FRAS1: variants seen among roughly 807,000 people sequenced by gnomAD.
FRAS1 encodes Fraser extracellular matrix complex subunit 1, also known as extracellular matrix organizing protein FRAS1.
A neutral mutation model predicts 435.2 loss-of-function variants in FRAS1; 290 were observed. The observed-to-expected ratio is 0.67, with a 90% confidence interval of 0.61 to 0.73. The LOEUF (loss-of-function observed/expected upper bound fraction) is 0.73. FRAS1 is among the 30% of genes least tolerant of loss of function. The pLI, the probability that FRAS1 is intolerant of heterozygous loss-of-function variation, is 0.00. For synonymous variants in FRAS1, 1,800 were observed against 1,851.0 expected, an observed-to-expected ratio of 0.97 and a Z score of 0.71; for missense variants, 4,860 against 5,001.5, an observed-to-expected ratio of 0.97 and a Z score of 0.85.
At chr4:78,401,757 C>A in intron 30 of FRAS1, among the ~76,000 whole-genome samples, 1 of 146,870 alleles carries the variant, frequency 6.8e-6, no homozygotes, top group East Asian at 2.0e-4. Context: ...AAATTCAGAA[C>A]TTTAGGCCTA....
intron 40 of FRAS1, among the ~76,000 whole-genome samples, chr4:78,440,046 C>T (rs56149575): frequency 0.34 from 41,790 of 123,024 alleles, 7,407 homozygotes; most frequent in Admixed American, 0.46. Flanking sequence ...TTTTTTGAGA[C>T]GGAGTCTCGC....
At chr4:78,428,947 A>G in intron 35 of FRAS1, 148 bp from the exon 36 acceptor site, 1 of 597,108 alleles carries the variant, frequency 1.7e-6, no homozygotes, top group Non-Finnish European at 2.8e-6. Flanking sequence ...ATCTCTTCAA[A>G]GGTTAAAGTA....
intron 20 of FRAS1, among the ~76,000 whole-genome samples, chr4:78,344,501 CTGGAATGTGATTCCAGAGTA>C (rs767109035): frequency 2.8e-4 from 26 of 91,286 alleles, no homozygotes; most frequent in South Asian, 1.1e-3. Context: ...ATTCCAGAGT[CTGGAATGTGATTCCAGAGTA>C]CTCAACCATT....
chr4:78,088,782 G>A (rs1482260988), intron 2 of FRAS1, among the ~76,000 whole-genome samples: 1 of 152,168 alleles, frequency 6.6e-6, no homozygotes, highest in East Asian at 1.9e-4. Context: ...GGAAACCACA[G>A]GTGCTGGAGA....
intron 61 of FRAS1, among the ~76,000 whole-genome samples, chr4:78,503,235 G>A (rs1720733776): frequency 6.6e-6 from 1 of 152,212 alleles, no homozygotes. Flanking sequence ...TTCATAAAAT[G>A]AGTTAGGGAG....
Position 78,466,256 on chromosome 4 carries a change from A to G in FRAS1, c.7078A>G (p.Ile2360Val), listed in dbSNP as rs745883982. The G allele has an allele frequency of 3.1e-6, 5 of 1,613,910 alleles. No homozygotes were observed. In the Admixed American group the frequency reaches 8.3e-5, roughly 27 times the overall value. Reference sequence around the variant, plus strand: ...CGTGCAGCCTCCACGCCATGGCACCATCGAGCGAACCAGCAATGGGCAGCA... The same window carrying G: ...CGTGCAGCCTCCACGCCATGGCACCGTCGAGCGAACCAGCAATGGGCAGCA... The part of the protein sequence containing the change: ...TIVQPPRHGT[I>V]ERTSNGQHFH... The change falls in exon 50 of 74, where the codon ATC becomes GTC. Residue 2360 changes from isoleucine (I) to valine (V), a missense_variant. By Grantham distance (29) the Ile-to-Val change is conservative (BLOSUM62 3). Coordinates refer to ENST00000512123, the MANE Select transcript of FRAS1 (RefSeq NM_025074.7).
chr4:78,254,015 T>A (rs1382356319), intron 5 of FRAS1, among the ~76,000 whole-genome samples: 1 of 152,204 alleles, frequency 6.6e-6, no homozygotes, highest in East Asian at 1.9e-4. Context: ...ATTTATGAAA[T>A]AAAGACATGC....
chr4:78,209,696 C>T (rs1473116332), intron 2 of FRAS1, among the ~76,000 whole-genome samples: 8 of 152,124 alleles, frequency 5.3e-5, no homozygotes, highest in Admixed American at 4.6e-4. Flanking sequence ...GAGGGCAGAT[C>T]CTTAAACTGT....
chr4:78,460,502 A>G (rs1719338241), intron 47 of FRAS1, among the ~76,000 whole-genome samples: 1 of 152,246 alleles, frequency 6.6e-6, no homozygotes. Context: ...AAACCCAATT[A>G]GCAAAGGCTA....
chr4:78,534,666 GCTTTTGCTA>G, intron 71 of FRAS1, 51 bp downstream of exon 71: 1 of 1,569,540 alleles, frequency 6.4e-7, no homozygotes, highest in Non-Finnish European at 8.7e-7. Flanking sequence ...GATATGAGAA[GCTTTTGCTA>G]AGTCACCGGA....
intron 2 of FRAS1, among the ~76,000 whole-genome samples, chr4:78,185,232 G>GA (rs1422945863): frequency 6.6e-6 from 1 of 152,188 alleles, no homozygotes; most frequent in Non-Finnish European, 1.5e-5. Context: ...GGCACTTTGT[G>GA]AGTGTGATTT....
intron 32 of FRAS1, among the ~76,000 whole-genome samples, chr4:78,413,541 A>G (rs1733434420): frequency 6.6e-6 from 1 of 152,226 alleles, no homozygotes; most frequent in Admixed American, 6.5e-5. Flanking sequence ...ATCCAGAAAG[A>G]TAAATAGCAG....
intron 2 of FRAS1, among the ~76,000 whole-genome samples, chr4:78,232,324 C>A (rs1724550443): frequency 1.3e-5 from 2 of 149,842 alleles, no homozygotes; most frequent in South Asian, 2.1e-4. Context: ...CTCACTCTGT[C>A]TTCCAGGCTG....
At chr4:78,433,557 G>A (rs1266180414) in intron 38 of FRAS1, among the ~76,000 whole-genome samples, 1 of 152,102 alleles carries the variant, frequency 6.6e-6, no homozygotes, top group South Asian at 2.1e-4. Flanking sequence ...GCATTAGCCT[G>A]GGAACAATTG....
intron 2 of FRAS1, among the ~76,000 whole-genome samples, chr4:78,215,951 C>T (rs1723750894): frequency 6.6e-6 from 1 of 152,142 alleles, no homozygotes; most frequent in Non-Finnish European, 1.5e-5. Flanking sequence ...AAACTGATTT[C>T]CCTATTCTGG....
At chr4:78,065,165 T>C (rs1739967308) in intron 1 of FRAS1, among the ~76,000 whole-genome samples, 2 of 146,688 alleles carry the variant, frequency 1.4e-5, no homozygotes, top group Admixed American at 1.4e-4. Flanking sequence ...ATATAGTGGG[T>C]ATATATGTAT....
chr4:78,458,232 T>C (rs1262627004), intron 47 of FRAS1, among the ~76,000 whole-genome samples: 1 of 152,158 alleles, frequency 6.6e-6, no homozygotes, highest in Non-Finnish European at 1.5e-5. Flanking sequence ...ACTAGTTTTC[T>C]ATCGTTGTGG....
chr4:78,140,711 G>GTATATACA (rs1560546118), intron 2 of FRAS1, among the ~76,000 whole-genome samples: 8 of 80,414 alleles, frequency 9.9e-5, no homozygotes, highest in African/African-American at 6.2e-4. Context: ...ATGCATATAC[G>GTATATACA]TGTGTGTATA....
At chr4:78,432,643 G>T in intron 38 of FRAS1, 39 bp downstream of exon 38, 4 of 1,518,182 alleles carry the variant, frequency 2.6e-6, no homozygotes, top group Non-Finnish European at 3.5e-6. Context: ...CTCCACCGCC[G>T]CATCTTCTGA....
Sources: gnomAD v4.1 joint callset for allele counts (sites outside exome capture counted in the v4.1 genomes callset) on GRCh38, gnomAD v4.1.1 for gene constraint, MANE v1.5 for transcripts, NCBI Gene and HGNC (gene_info 2026-07-23, HGNC 2026-07-21) for gene names.